The following NXPH1 variants were observed in gnomAD, a reference collection of about 807,000 sequenced individuals.
NXPH1 encodes the protein neurexophilin 1, also known as neurexophilin-1.
Under a neutral mutation model 23.7 loss-of-function variants are expected in NXPH1, and 5 were observed. That is an observed-to-expected ratio of 0.21 (90% CI 0.11 to 0.44). The LOEUF (loss-of-function observed/expected upper bound fraction) is 0.44, where lower values mean the gene tolerates loss of function less well. NXPH1 is among the 20% of genes least tolerant of loss of function. The pLI, the probability that NXPH1 is intolerant of heterozygous loss-of-function variation, is 0.99. For missense variants in NXPH1, 324 were observed against 321.6 expected (o/e 1.01, Z -0.06); for synonymous variants, 144 against 122.2 (o/e 1.18, Z -1.18).
intron 2 of NXPH1, among the ~76,000 whole-genome samples, chr7:8,648,756 T>C (rs1235844624): frequency 6.6e-6 from 1 of 152,218 alleles, no homozygotes; most frequent in Non-Finnish European, 1.5e-5. Context: ...TGAAAACATC[T>C]GAAACAAATT....
At chr7:8,731,777 G>A (rs570619507) in intron 2 of NXPH1, among the ~76,000 whole-genome samples, 8 of 152,240 alleles carry the variant, frequency 5.3e-5, no homozygotes, top group African/African-American at 7.2e-5. Flanking sequence ...TTCTGCAGAG[G>A]TTACTGCTGT....
intron 2 of NXPH1, among the ~76,000 whole-genome samples, chr7:8,484,013 G>C (rs571216483): frequency 7.1e-6 from 1 of 140,874 alleles, no homozygotes; most frequent in African/African-American, 2.8e-5. Flanking sequence ...TGTCAGAAAT[G>C]TTTTTTATAG....
In NXPH1 at chr7:8,659,122, C is replaced by T. The variant is rs1820629909; in HGVS notation, c.55-91886C>T. On this transcript the variant is annotated intron_variant, in intron 2 of 2. Transcript: ENST00000405863. ...GCTCTGTGTGGTTATAGTTTTCAGT[C>T]CCACTTAGAGGGATGTAGAAGAATC... Among the ~76,000 whole-genome samples the T allele has an allele frequency of 6.0e-5, 2 of 33,170 alleles. 1 individual carries two copies. The highest frequency in any genetic ancestry group is 1.8e-4 in the Non-Finnish European group (2 of 11,094). 21.8% of individuals were successfully genotyped at this position (33,170 alleles called of 152,430 possible). A position where few individuals can be genotyped will look rare whatever the true frequency, so the allele number is the denominator to read the frequency against.
Position 8,651,129 on chromosome 7 carries a change from C to A in NXPH1, c.55-99879C>A, listed in dbSNP as rs529981435. On this transcript the variant is annotated intron_variant, in intron 2 of 2. Coordinates refer to ENST00000405863, the MANE Select transcript of NXPH1 (RefSeq NM_152745.3). ...CAATGCTATCCCTCCCCACTCCCCC[C>A]ACCCCACAACAGTCCCCAGAGTGTG... Among the ~76,000 whole-genome samples, 164 of 149,940 alleles carry A rather than the reference C, an allele frequency of 1.1e-3. 2 individuals carry two copies. Among genetic ancestry groups the A allele is most frequent in the East Asian group, 2.0e-4 (1 of 5,046 alleles).
intron 2 of NXPH1, among the ~76,000 whole-genome samples, chr7:8,653,661 T>A (rs184195475): frequency 6.6e-6 from 1 of 152,302 alleles, no homozygotes; most frequent in Admixed American, 6.5e-5. Flanking sequence ...AACTTCAATT[T>A]CTGTCCTCTA....
intron 2 of NXPH1, among the ~76,000 whole-genome samples, chr7:8,641,995 CT>C (rs1820321416): frequency 6.6e-6 from 1 of 152,164 alleles, no homozygotes; most frequent in African/African-American, 2.4e-5. Flanking sequence ...AGCCCTGCAC[CT>C]TCCTATTCCA....
intron 2 of NXPH1, among the ~76,000 whole-genome samples, chr7:8,683,723 C>A (rs1197515002): frequency 6.6e-6 from 1 of 151,904 alleles, no homozygotes; most frequent in East Asian, 1.9e-4. Flanking sequence ...ACTTTTGCAC[C>A]AACATAATTT....
chr7:8,572,152 A>T (rs1818661957), intron 2 of NXPH1, among the ~76,000 whole-genome samples: 1 of 151,964 alleles, frequency 6.6e-6, no homozygotes, highest in Non-Finnish European at 1.5e-5. Flanking sequence ...CATATATTTT[A>T]AAAAGAATCA....
chr7:8,748,092 A>G (rs1780501435), intron 2 of NXPH1, among the ~76,000 whole-genome samples: 1 of 152,218 alleles, frequency 6.6e-6, no homozygotes, highest in Non-Finnish European at 1.5e-5. Context: ...ATTCCTATGC[A>G]TAATCCTCCT....
At chr7:8,571,621 C>A (rs566979820) in intron 2 of NXPH1, among the ~76,000 whole-genome samples, 1 of 151,936 alleles carries the variant, frequency 6.6e-6, no homozygotes, top group East Asian at 1.9e-4. Context: ...CTCTACTGTT[C>A]TTCTACAACA....
chr7:8,518,801 A>G (rs1817726403), intron 2 of NXPH1, among the ~76,000 whole-genome samples: 1 of 152,162 alleles, frequency 6.6e-6, no homozygotes, highest in Non-Finnish European at 1.5e-5. Flanking sequence ...TTTCTAATCC[A>G]TGGGTTTTGG....
Position 8,616,182 on chromosome 7 carries a change from C to A in NXPH1, c.55-134826C>A, listed in dbSNP as rs972854053. On this transcript the variant is annotated intron_variant, in intron 2 of 2. Coordinates refer to ENST00000405863, the MANE Select transcript of NXPH1 (RefSeq NM_152745.3). Reference sequence around the variant, plus strand: ...CTCATGATCTTTCACTCTCTTCTTACACAGTCACGTTCAACCACACTGGCC... The same window carrying A: ...CTCATGATCTTTCACTCTCTTCTTAAACAGTCACGTTCAACCACACTGGCC... Among the ~76,000 whole-genome samples the A allele has an allele frequency of 2.6e-5, 4 of 152,002 alleles. No individual in the cohort carries two copies. In the South Asian group the frequency reaches 6.2e-4, roughly 24 times the overall value.
intron 2 of NXPH1, among the ~76,000 whole-genome samples, chr7:8,598,923 C>T (rs1033488667): frequency 1.3e-5 from 2 of 152,254 alleles, no homozygotes; most frequent in South Asian, 2.1e-4. Context: ...AATGCAAAAT[C>T]AGCAAAGTGT....
At chr7:8,641,102 T>C (rs1820301315) in intron 2 of NXPH1, among the ~76,000 whole-genome samples, 1 of 152,176 alleles carries the variant, frequency 6.6e-6, no homozygotes, top group Admixed American at 6.5e-5. Context: ...TAAAAATATT[T>C]ATTTAGTTAA....
At chr7:8,691,338 A>G (rs2057790) in intron 2 of NXPH1, among the ~76,000 whole-genome samples, 109,241 of 151,776 alleles carry the variant, frequency 0.72, 40,799 homozygotes, top group African/African-American at 0.91. Context: ...TTGTAGAGAC[A>G]GGGTTTCTTC....
At chr7:8,446,689 CATTT>C (rs1816409704) in intron 2 of NXPH1, among the ~76,000 whole-genome samples, 1 of 152,124 alleles carries the variant, frequency 6.6e-6, no homozygotes, top group African/African-American at 2.4e-5. Flanking sequence ...TACATTTTCT[CATTT>C]ATTCTGTTAC....
At chr7:8,496,251 A>G (rs931739221) in intron 2 of NXPH1, among the ~76,000 whole-genome samples, 2 of 151,994 alleles carry the variant, frequency 1.3e-5, no homozygotes, top group Non-Finnish European at 2.9e-5. Flanking sequence ...CCCTTCACCA[A>G]TCTCAGAGGA....
At chr7:8,689,190 C>T (rs1821191073) in intron 2 of NXPH1, among the ~76,000 whole-genome samples, 1 of 152,064 alleles carries the variant, frequency 6.6e-6, no homozygotes, top group Admixed American at 6.6e-5. Flanking sequence ...GTCAAGGGCA[C>T]TCAGCTTTGA....
chr7:8,537,863 T>C (rs17333080), intron 2 of NXPH1, among the ~76,000 whole-genome samples: 9,994 of 151,980 alleles, frequency 0.066, 448 homozygotes, highest in Middle Eastern at 0.14. Flanking sequence ...TTTTAGACCT[T>C]ACTTTTTATA....
Sources: allele counts gnomAD v4.1 joint callset (sites outside exome capture counted in the v4.1 genomes callset), GRCh38; gene constraint gnomAD v4.1.1; transcripts MANE v1.5; gene names NCBI Gene and HGNC (gene_info 2026-07-23, HGNC 2026-07-21).